RNF169: variants seen among roughly 807,000 people sequenced by gnomAD.
RNF169 encodes the protein ring finger protein 169.
RNF169 carries 24 observed loss-of-function variants against 53.9 expected under a neutral mutation model. The ratio of observed to expected loss-of-function variants is 0.45; its 90% CI spans 0.32 to 0.63. RNF169 has a LOEUF of 0.63. Among genes scored for constraint, RNF169 ranks in the 20% least tolerant of loss-of-function variants. The pLI is 0.04. For missense variants in RNF169, 883 were observed against 906.2 expected (o/e 0.97, Z 0.33); for synonymous variants, 396 against 363.5 (o/e 1.09, Z -1.02).
chr11:74,822,776 G>A (rs1453392574), intron 4 of RNF169, among the ~76,000 whole-genome samples: 1 of 152,094 alleles, frequency 6.6e-6, no homozygotes, highest in Non-Finnish European at 1.5e-5. Context: ...GACAGATAAT[G>A]GGTTTCTAAT....
At position 74,778,033 on chromosome 11, in the gene RNF169, C is replaced by T. The variant is rs923086909; in HGVS notation, c.503-11593C>T. 1.1e-3 allele frequency among the ~76,000 whole-genome samples: 171 copies of T among 152,270 alleles called. 1 individual carries two copies. Among genetic ancestry groups the T allele is most frequent in the African/African-American group, 3.9e-3 (164 of 41,550 alleles). ...CTTGTGAAAGCATTGCCTCTCCTTCCCAGCCCTGTTCTCTTTCTCCTGTGG... is the reference window on the plus strand; with the variant it reads ...CTTGTGAAAGCATTGCCTCTCCTTCTCAGCCCTGTTCTCTTTCTCCTGTGG... On this transcript the variant is annotated intron_variant, in intron 1 of 5. Transcript: ENST00000299563.
intron 2 of RNF169, among the ~76,000 whole-genome samples, chr11:74,802,102 T>A (rs1167865394): frequency 6.6e-6 from 1 of 152,202 alleles, no homozygotes; most frequent in Admixed American, 6.5e-5. Flanking sequence ...TATACTATTA[T>A]TGGATGGTGG....
At chr11:74,749,457 G>C in intron 1 of RNF169, 75 bp downstream of exon 1, 1 of 1,145,600 alleles carries the variant, frequency 8.7e-7, no homozygotes, top group Non-Finnish European at 1.1e-6. Flanking sequence ...TGAGGGGGTG[G>C]AGAGTCCCGG....
intron 1 of RNF169, among the ~76,000 whole-genome samples, chr11:74,769,215 A>G (rs1231526058): frequency 1.3e-5 from 2 of 152,238 alleles, no homozygotes; most frequent in Non-Finnish European, 2.9e-5. Flanking sequence ...GAAGATTTGA[A>G]TAGGCATTTC....
intron 1 of RNF169, among the ~76,000 whole-genome samples, chr11:74,778,752 C>A (rs1326852477): frequency 6.6e-6 from 1 of 152,190 alleles, no homozygotes; most frequent in African/African-American, 2.4e-5. Flanking sequence ...CCTCTATGTC[C>A]CATATGGCCC....
In RNF169 at chr11:74,837,534, T is replaced by C. The variant is rs1400902604; in HGVS notation, c.*804T>C. 6.6e-6 allele frequency: 1 copy of C among 152,266 alleles called. No homozygotes were observed. Among genetic ancestry groups the C allele is most frequent in the Non-Finnish European group, 1.5e-5 (1 of 68,064 alleles). The allele number at this position is 152,266 out of a possible 1,614,324, so 9.4% of individuals were successfully genotyped here. A position where few individuals can be genotyped will look rare whatever the true frequency, so the allele number is the denominator to read the frequency against. On this transcript the variant is annotated 3_prime_UTR_variant, in exon 6 of 6. Coordinates refer to ENST00000299563, the MANE Select transcript of RNF169 (RefSeq NM_001098638.2). ...TAGGCTGGGCATTGAACACTGATAG[T>C]GCAGAATCCACATGCAAACAAGATC... is the stretch of plus-strand genomic sequence containing the variant.
At chr11:74,798,411 C>T (rs2035680914) in intron 2 of RNF169, among the ~76,000 whole-genome samples, 1 of 152,208 alleles carries the variant, frequency 6.6e-6, no homozygotes, top group African/African-American at 2.4e-5. Context: ...TTCAGTCTCC[C>T]ATAGCGCTCC....
intron 2 of RNF169, among the ~76,000 whole-genome samples, chr11:74,796,906 G>A (rs553652554): frequency 7.9e-5 from 12 of 152,108 alleles, no homozygotes; most frequent in African/African-American, 1.2e-4. Context: ...GCTGGAATGC[G>A]TTGGCTATTC....
rs2034834901 is a variant in RNF169 at position 74,748,898 on chromosome 11, G to C, written c.18G>C (p.Pro6=). 7.0e-7 allele frequency: 1 copy of C among 1,432,136 alleles called. No homozygotes were observed. The highest frequency in any genetic ancestry group is 1.4e-5 in the South Asian group (1 of 70,564). 88.7% of individuals were successfully genotyped at this position (1,432,136 alleles called of 1,614,324 possible). The change falls in exon 1 of 6, where the codon CCG becomes CCC. Residue 6 remains proline (P), a synonymous_variant. Coordinates refer to ENST00000299563, the MANE Select transcript of RNF169 (RefSeq NM_001098638.2). ...GAAACAAGATGGCGGCTGCAGGTCC[G>C]AGTACTCGGGCCTCTTCCGCGGCGG... MAAAG[P]STRASSAAAA...
At chr11:74,765,538 C>T (rs952445305) in intron 1 of RNF169, among the ~76,000 whole-genome samples, 1 of 152,130 alleles carries the variant, frequency 6.6e-6, no homozygotes, top group East Asian at 1.9e-4. Flanking sequence ...CGGTGGCTCA[C>T]GCCTGCAATC....
chr11:74,823,472 A>C (rs2036045756), intron 4 of RNF169, among the ~76,000 whole-genome samples: 1 of 152,206 alleles, frequency 6.6e-6, no homozygotes, highest in African/African-American at 2.4e-5. Flanking sequence ...TTGGTGACTC[A>C]TGCCTGTAAT....
chr11:74,759,118 G>A (rs1258111928), intron 1 of RNF169, among the ~76,000 whole-genome samples: 2 of 125,692 alleles, frequency 1.6e-5, no homozygotes, highest in Non-Finnish European at 3.3e-5. Flanking sequence ...TTTGTCTGTT[G>A]TTGGTGTATA....
chr11:74,835,503 A>T, intron 5 of RNF169, 43 bp from the exon 6 acceptor site: 1 of 1,430,630 alleles, frequency 7.0e-7, no homozygotes, highest in Non-Finnish European at 9.8e-7. Context: ...GAAAATGTAT[A>T]TGTATGTGTG....
At chr11:74,785,601 G>GT (rs1214844821) in intron 1 of RNF169, among the ~76,000 whole-genome samples, 5 of 152,002 alleles carry the variant, frequency 3.3e-5, no homozygotes, top group Non-Finnish European at 4.4e-5. Flanking sequence ...TACTTTCTAT[G>GT]TAATTTTTGA....
chr11:74,774,496 G>C (rs962817553), intron 1 of RNF169, among the ~76,000 whole-genome samples: 3 of 152,096 alleles, frequency 2.0e-5, no homozygotes, highest in Non-Finnish European at 4.4e-5. Flanking sequence ...GATTCTGTTT[G>C]TATATCAGAT....
chr11:74,801,804 G>A (rs1021487712), intron 2 of RNF169, among the ~76,000 whole-genome samples: 6 of 152,164 alleles, frequency 3.9e-5, no homozygotes, highest in Non-Finnish European at 5.9e-5. Context: ...CAACCTTATG[G>A]ACTATAAGTG....
intron 4 of RNF169, among the ~76,000 whole-genome samples, chr11:74,829,250 G>A (rs753672146): frequency 5.9e-5 from 9 of 152,134 alleles, no homozygotes; most frequent in Non-Finnish European, 1.3e-4. Context: ...AGAGCTTGAC[G>A]TTACTGATCA....
At chr11:74,829,581 T>A (rs2036146933) in intron 4 of RNF169, among the ~76,000 whole-genome samples, 1 of 152,176 alleles carries the variant, frequency 6.6e-6, no homozygotes, top group African/African-American at 2.4e-5. Flanking sequence ...AGCAAAGACA[T>A]GGAACCAATC....
intron 1 of RNF169, among the ~76,000 whole-genome samples, chr11:74,765,458 C>T (rs1033637511): frequency 5.9e-5 from 9 of 152,088 alleles, no homozygotes; most frequent in Non-Finnish European, 1.3e-4. Flanking sequence ...ATTCCCCCTC[C>T]AATCCATGTT....
Sources: allele counts gnomAD v4.1 joint callset (sites outside exome capture counted in the v4.1 genomes callset), GRCh38; gene constraint gnomAD v4.1.1; transcripts MANE v1.5; gene names NCBI Gene and HGNC (gene_info 2026-07-23, HGNC 2026-07-21).